Variants in UMODL1 observed in about 807,000 individuals in gnomAD.
UMODL1 encodes uromodulin-like 1.
In UMODL1, 128 loss-of-function variants were observed where a neutral mutation model predicts 136.3. That is an observed-to-expected ratio of 0.94 (90% CI 0.81 to 1.09). The LOEUF is 1.09. UMODL1 is among the 50% of genes least tolerant of loss of function. UMODL1 has a pLI of 0.00. For missense variants in UMODL1, 1,766 were observed against 1,725.6 expected (o/e 1.02, Z -0.41); for synonymous variants, 721 against 720.0 (o/e 1.00, Z -0.02).
chr21:42,100,566 C>G (rs2066614718), intron 7 of UMODL1, among the ~76,000 whole-genome samples: 1 of 151,968 alleles, frequency 6.6e-6, no homozygotes, highest in Non-Finnish European at 1.5e-5. Context: ...ATTTCATTTC[C>G]AAAGTACACC....
rs879634449 is a variant in UMODL1 at position 42,073,029 on chromosome 21, C to CGT, written c.76+1638_76+1639insTG. Among the ~76,000 whole-genome samples, 438 of 152,062 alleles carry CGT rather than the reference C, an allele frequency of 2.9e-3. 3 individuals carry two copies. Among genetic ancestry groups the CGT allele is most frequent in the Non-Finnish European group, 5.0e-3 (342 of 67,982 alleles). On this transcript the variant is annotated intron_variant, in intron 1 of 22. Transcript: ENST00000408910. The stretch of plus-strand genomic sequence containing the variant: ...ATGAGTGTGTGTGTGTGTGCGCGCG[C>CGT]GCGTGTGTGTGTGTGCGTGTGCGCA...
chr21:42,090,207 C>A (rs1215596439), intron 5 of UMODL1, 91 bp from the exon 6 acceptor site: 2 of 1,551,950 alleles, frequency 1.3e-6, no homozygotes, highest in South Asian at 1.2e-5. Flanking sequence ...ATCCGTGGCA[C>A]GAGTCCACAG....
At chr21:42,086,890 C>T (rs554061698) in intron 4 of UMODL1, among the ~76,000 whole-genome samples, 1 of 152,344 alleles carries the variant, frequency 6.6e-6, no homozygotes, top group Non-Finnish European at 1.5e-5. Context: ...TGCTTGAACT[C>T]AGGAGGCGGA....
chr21:42,108,268 C>T (rs1473734472), intron 9 of UMODL1: 1 of 495,116 alleles, frequency 2.0e-6, no homozygotes, highest in Non-Finnish European at 4.2e-6. Context: ...GCTCCAACCC[C>T]AACCCGGAGC....
At position 42,127,840 on chromosome 21, in the gene UMODL1, T is replaced by G. The variant is rs1645928563; in HGVS notation, c.3690+9T>G. 1 of 1,610,078 alleles carries G rather than the reference T, an allele frequency of 6.2e-7. No individual in the cohort carries two copies. The highest frequency in any genetic ancestry group is 1.3e-5 in the African/African-American group (1 of 74,742). ...GAGCCACGTGCAAAATCGTAAGTGT[T>G]TTTTGGTTTTCTAAACGTTTGGTTG... On this transcript the variant is annotated intron_variant, in intron 20 of 22. Coordinates refer to ENST00000408910, the MANE Select transcript of UMODL1 (RefSeq NM_001004416.3).
rs1194697843 is a variant in UMODL1, at chr21:42,111,590, C to A, written c.1984C>A (p.Arg662Ser). The change falls in exon 12 of 23, where the codon CGT (arginine) becomes AGT (serine). Residue 662 changes from arginine to serine, a missense_variant. Transcript: ENST00000408910. ...PTGHFLWHAT[R>S]STRETLLNPT... ...CGGCCACTTCCTGTGGCATGCCACC[C>A]GTTCCACCCGGGAAACACTTCTGAA... 1.2e-6 allele frequency: 2 copies of A among 1,614,050 alleles called. No individual in the cohort carries two copies. Among genetic ancestry groups the A allele is most frequent in the Admixed American group, 1.7e-5 (1 of 60,002 alleles).
intron 21 of UMODL1, among the ~76,000 whole-genome samples, chr21:42,137,201 C>T (rs769619742): frequency 5.9e-5 from 9 of 152,230 alleles, no homozygotes; most frequent in African/African-American, 1.4e-4. Flanking sequence ...CTGCTGGTCC[C>T]GCGCAGCCCC....
At chr21:42,114,871 C>A (rs1444076327) in intron 13 of UMODL1, among the ~76,000 whole-genome samples, 9 of 152,146 alleles carry the variant, frequency 5.9e-5, no homozygotes, top group Non-Finnish European at 1.3e-4. Context: ...GCACGGGGGA[C>A]CCCAAACCTG....
intron 1 of UMODL1, among the ~76,000 whole-genome samples, chr21:42,075,246 G>A (rs552765716): frequency 5.3e-5 from 8 of 151,934 alleles, no homozygotes; most frequent in South Asian, 4.2e-4. Flanking sequence ...GGAGATGGGG[G>A]GGGGGTTTCA....
chr21:42,095,087 C>CTTTTTTTTT (rs1569151178), intron 6 of UMODL1, among the ~76,000 whole-genome samples: 2 of 34,070 alleles, frequency 5.9e-5, no homozygotes, highest in South Asian at 1.2e-3. Context: ...TTTTCTTCTG[C>CTTTTTTTTT]TGTTTTTTTT....
intron 1 of UMODL1, among the ~76,000 whole-genome samples, chr21:42,075,249 G>GGGC (rs1555917903): frequency 6.6e-6 from 1 of 151,808 alleles, no homozygotes; most frequent in African/African-American, 2.4e-5. Context: ...GATGGGGGGG[G>GGGC]GGTTTCACCA....
intron 2 of UMODL1, among the ~76,000 whole-genome samples, chr21:42,076,659 T>G (rs1348139829): frequency 6.6e-6 from 1 of 152,182 alleles, no homozygotes; most frequent in Admixed American, 6.5e-5. Flanking sequence ...AGAGTGATTC[T>G]CATATACCAC....
intron 6 of UMODL1, among the ~76,000 whole-genome samples, chr21:42,091,786 G>C (rs1029066663): frequency 6.6e-6 from 1 of 152,226 alleles, no homozygotes; most frequent in Non-Finnish European, 1.5e-5. Context: ...TGCTGATTGA[G>C]TTGGACGCGT....
chr21:42,079,292 C>T (rs966563662), intron 2 of UMODL1, among the ~76,000 whole-genome samples: 5 of 152,252 alleles, frequency 3.3e-5, no homozygotes, highest in African/African-American at 1.2e-4. Flanking sequence ...CTCCCCACCA[C>T]CTGCCCTGCA....
chr21:42,077,317 A>G (rs2066306370), intron 2 of UMODL1, among the ~76,000 whole-genome samples: 1 of 151,942 alleles, frequency 6.6e-6, no homozygotes, highest in African/African-American at 2.4e-5. Flanking sequence ...CGAGTTAGAG[A>G]AAACGCCATA....
At chr21:42,108,611 G>C (rs1250987855) in intron 9 of UMODL1, 1 of 341,634 alleles carries the variant, frequency 2.9e-6, no homozygotes, top group South Asian at 2.2e-5. Context: ...GTTCGTTCCC[G>C]AGCACCTCCA....
chr21:42,080,110 G>A (rs191502428), intron 2 of UMODL1, among the ~76,000 whole-genome samples: 2 of 152,302 alleles, frequency 1.3e-5, no homozygotes, highest in East Asian at 1.9e-4. Flanking sequence ...TTTACACCCC[G>A]GATTTTGGCA....
chr21:42,103,953 G>T lies in UMODL1; in HGVS notation c.1385G>T (p.Ser462Ile). The T allele has an allele frequency of 6.2e-7, 1 of 1,614,190 alleles. No homozygotes were observed. Among genetic ancestry groups the T allele is most frequent in the Non-Finnish European group, 8.5e-7 (1 of 1,180,030 alleles). The change falls in exon 9 of 23, where the codon AGT becomes ATT. Residue 462 changes from serine to isoleucine, a missense_variant. Physicochemically the swap from Ser to Ile is moderately radical, Grantham distance 142. Transcript: ENST00000408910. ...RMQIVSLQAG[S>I]VVVRLKLTVQ... ...CAGATCGTGTCTCTCCAGGCGGGAA[G>T]TGTGGTCGTGAGGCTCAAGCTCACC...
intron 5 of UMODL1, among the ~76,000 whole-genome samples, chr21:42,090,069 C>A (rs1170917307): frequency 6.6e-6 from 1 of 152,212 alleles, no homozygotes; most frequent in Non-Finnish European, 1.5e-5. Flanking sequence ...CAGCCGCGAG[C>A]CCTGCCTGAA....
Sources: gnomAD v4.1 joint callset for allele counts (sites outside exome capture counted in the v4.1 genomes callset) on GRCh38, gnomAD v4.1.1 for gene constraint, MANE v1.5 for transcripts, NCBI Gene and HGNC (gene_info 2026-07-23, HGNC 2026-07-21) for gene names.